SIGLEC7: variants seen among roughly 807,000 people sequenced by gnomAD.
The protein encoded by SIGLEC7 is sialic acid-binding Ig-like lectin 7.
SIGLEC7 carries 33 observed loss-of-function variants against 40.8 expected under a neutral mutation model. The observed-to-expected ratio is 0.81, with a 90% CI of 0.61 to 1.08. The LOEUF is 1.08. Among genes scored for constraint, SIGLEC7 ranks in the 50% least tolerant of loss-of-function variants. The probability of loss-of-function intolerance (pLI) is 0.00; values close to 1 mark genes in which losing one functional copy is unlikely to be tolerated. For synonymous variants in SIGLEC7, 242 were observed against 237.6 expected (o/e 1.02, Z -0.17); for missense variants, 513 against 576.1 (o/e 0.89, Z 1.12).
Position 51,144,647 on chromosome 19 carries a change from C to T in SIGLEC7, c.675C>T (p.Gly225=), listed in dbSNP as rs1005741227. The T allele has an allele frequency of 4.3e-6, 7 of 1,613,802 alleles. No individual in the cohort carries two copies. The highest frequency in any genetic ancestry group is 2.2e-5 in the South Asian group (2 of 91,076). ...LTCQVTLPGA[G]VTTNRTIQLN... ...GTCAGGTGACCTTGCCTGGGGCCGG[C>T]GTGACCACGAACAGGACCATCCAAC... is the stretch of plus-strand genomic sequence containing the variant. The change falls in exon 2 of 7, where the codon GGC becomes GGT. Residue 225 remains glycine (G), a synonymous_variant. Transcript: ENST00000317643.
At chr19:51,143,797 G>T in intron 1 of SIGLEC7, 1 of 342,970 alleles carries the variant, frequency 2.9e-6, no homozygotes, top group Non-Finnish European at 5.8e-6. Flanking sequence ...GGGACAGTCG[G>T]GGCTGGGCTG....
At position 51,142,356 on chromosome 19, in the gene SIGLEC7, C is replaced by T. The variant is rs769292041; in HGVS notation, c.-14C>T. 2 of 1,610,762 alleles carry T rather than the reference C, an allele frequency of 1.2e-6. No homozygotes were observed. The highest frequency in any genetic ancestry group is 2.2e-5 in the South Asian group (2 of 90,670). ...AGACGTTCCCTCGCGGCCCTGGCAC[C>T]TCCAACCCCAGATATGCTGCTGCTG... On this transcript the variant is annotated 5_prime_UTR_variant, in exon 1 of 7. Coordinates refer to ENST00000317643, the MANE Select transcript of SIGLEC7 (RefSeq NM_014385.4). This position sits in a 1 kb window ranked among gnomAD's most constrained non-coding sequence, Gnocchi z 5.0.
intron 4 of SIGLEC7, among the ~76,000 whole-genome samples, chr19:51,146,362 GAGACACGTGCC>G (rs913257550): frequency 3.3e-5 from 5 of 152,158 alleles, no homozygotes; most frequent in African/African-American, 1.2e-4. Flanking sequence ...TGTGTTTGGG[GAGACACGTGCC>G]TTGCTTTCCA....
chr19:51,143,477 G>A (rs2092083905), intron 1 of SIGLEC7, among the ~76,000 whole-genome samples: 1 of 152,180 alleles, frequency 6.6e-6, no homozygotes, highest in Non-Finnish European at 1.5e-5. Context: ...AGGCCCTGGT[G>A]CTCCAGGGAA....
At chr19:51,143,250 C>T (rs1014086961) in intron 1 of SIGLEC7, among the ~76,000 whole-genome samples, 5 of 152,100 alleles carry the variant, frequency 3.3e-5, no homozygotes, top group African/African-American at 1.2e-4. Context: ...TCTACACAAC[C>T]CCGTGACTCT....
At chr19:51,146,647 G>A (rs1038472726) in intron 4 of SIGLEC7, 107 bp from the exon 5 acceptor site, 21 of 898,994 alleles carry the variant, frequency 2.3e-5, no homozygotes, top group Non-Finnish European at 3.1e-5. Flanking sequence ...CTTTGTTTCT[G>A]GGAAGGGGGA....
At chr19:51,148,697 T>G (rs2092124960) in intron 6 of SIGLEC7, among the ~76,000 whole-genome samples, 1 of 152,224 alleles carries the variant, frequency 6.6e-6, no homozygotes, top group Admixed American at 6.5e-5. Context: ...ACTCTGAGTA[T>G]AAAACCAGTA....
Position 51,145,734 on chromosome 19 carries a change from C to T in SIGLEC7, c.761-121C>T. 1 of 1,140,236 alleles carries T rather than the reference C, an allele frequency of 8.8e-7. No individual in the cohort carries two copies. Among genetic ancestry groups the T allele is most frequent in the Non-Finnish European group, 1.3e-6 (1 of 794,966 alleles). The allele number at this position is 1,140,236 out of a possible 1,614,324, so 70.6% of individuals were successfully genotyped here. A position where few individuals can be genotyped will look rare whatever the true frequency, so the allele number is the denominator to read the frequency against. ...TACATTCCCAACAGTGAGCGGTGAACATAAGTATGTCCCTGCACCAGCCTA... is the reference window on the plus strand; with the variant it reads ...TACATTCCCAACAGTGAGCGGTGAATATAAGTATGTCCCTGCACCAGCCTA... On this transcript the variant is annotated intron_variant, in intron 3 of 6. Coordinates refer to ENST00000317643, the MANE Select transcript of SIGLEC7 (RefSeq NM_014385.4). The surrounding 1 kb of genome is among the most constrained non-coding windows in gnomAD (Gnocchi z 4.3).
At chr19:51,150,805 G>C (rs2092138274) in intron 6 of SIGLEC7, among the ~76,000 whole-genome samples, 1 of 152,172 alleles carries the variant, frequency 6.6e-6, no homozygotes, top group African/African-American at 2.4e-5. Context: ...GAAAGGAGAG[G>C]AGCCATGGGA....
At position 51,145,187 on chromosome 19, in the gene SIGLEC7, CAG is replaced by C. The variant is rs1463205402; in HGVS notation, c.760+229_760+230del. ...ACCCTCCTCAGCCCTGCAGCCAGGACAGGGGGAAATACATATAGCAGGAGCAG... is the reference window on the plus strand; with the variant it reads ...ACCCTCCTCAGCCCTGCAGCCAGGACGGGGAAATACATATAGCAGGAGCAG... On this transcript the variant is annotated intron_variant, in intron 3 of 6. Transcript: ENST00000317643. This position sits in a 1 kb window ranked among gnomAD's most constrained non-coding sequence, Gnocchi z 4.3. Among the ~76,000 whole-genome samples, 1 of 152,210 alleles carries C rather than the reference CAG, an allele frequency of 6.6e-6. No homozygotes were observed. The highest frequency in any genetic ancestry group is 1.5e-5 in the Non-Finnish European group (1 of 68,040).
chr19:51,142,979 G>GCC lies in SIGLEC7; in HGVS notation c.433+180_433+181dup, dbSNP rs992198493. Among the ~76,000 whole-genome samples, 1 of 152,000 alleles carries GCC rather than the reference G, an allele frequency of 6.6e-6. No homozygotes were observed. Among genetic ancestry groups the GCC allele is most frequent in the African/African-American group, 2.4e-5 (1 of 41,386 alleles). On this transcript the variant is annotated intron_variant, in intron 1 of 6. Coordinates refer to ENST00000317643, the MANE Select transcript of SIGLEC7 (RefSeq NM_014385.4). The surrounding 1 kb of genome is among the most constrained non-coding windows in gnomAD (Gnocchi z 5.0). ...TTGGATGCCCCTCCTGATCCTGCAG[G>GCC]CCCCTCCCCTCACCAGCCCTGACCC...
Position 51,143,857 on chromosome 19 carries a change from G to A in SIGLEC7, c.434-549G>A, listed in dbSNP as rs1006999695. 8 of 442,344 alleles carry A rather than the reference G, an allele frequency of 1.8e-5. No individual in the cohort carries two copies. In the East Asian group the frequency reaches 5.1e-4, roughly 28 times the overall value. 27.4% of individuals were successfully genotyped at this position (442,344 alleles called of 1,614,324 possible). Reference sequence around the variant, plus strand: ...AGGCCCCACTGTCAAGATACAGGCTGGAGGTGCTGGAGTTGGTGATGGTGC... The same window carrying A: ...AGGCCCCACTGTCAAGATACAGGCTAGAGGTGCTGGAGTTGGTGATGGTGC... On this transcript the variant is annotated intron_variant, in intron 1 of 6. Transcript: ENST00000317643.
chr19:51,148,183 T>TA lies in SIGLEC7; in HGVS notation c.1221+874dup, dbSNP rs553491672. 5.1e-3 allele frequency among the ~76,000 whole-genome samples: 776 copies of TA among 152,230 alleles called. 2 individuals carry two copies. Among genetic ancestry groups the TA allele is most frequent in the Non-Finnish European group, 8.5e-3 (581 of 68,018 alleles). The stretch of plus-strand genomic sequence containing the variant: ...AAAATCTCAGTAATTGTGATAGTTT[T>TA]AAAAAAAACTCTTATTTTAGGTTTG... On this transcript the variant is annotated intron_variant, in intron 6 of 6. Coordinates refer to ENST00000317643, the MANE Select transcript of SIGLEC7 (RefSeq NM_014385.4).
rs747449607 is a variant in SIGLEC7 at position 51,142,620 on chromosome 19, C to G, written c.251C>G (p.Ala84Gly). The change falls in exon 1 of 7, where the codon GCT (alanine) becomes GGT (glycine). Residue 84 changes from alanine to glycine, a missense_variant. Physicochemically the swap from Ala to Gly is moderately conservative, Grantham distance 60. Transcript: ENST00000317643. The surrounding 1 kb of genome is among the most constrained non-coding windows in gnomAD (Gnocchi z 5.0). ...GCTCCAGTGGCCACAAACAACCCAG[C>G]TTGGGCAGTGCAGGAGGAAACTCGG... is the stretch of plus-strand genomic sequence containing the variant. ...WKAPVATNNP[A>G]WAVQEETRDR... The G allele has an allele frequency of 1.9e-6, 3 of 1,614,164 alleles. No individual in the cohort carries two copies. The South Asian group carries it at 3.3e-5, about 18-fold the overall frequency.
chr19:51,150,375 A>G (rs1420144314), intron 6 of SIGLEC7, among the ~76,000 whole-genome samples: 1 of 152,224 alleles, frequency 6.6e-6, no homozygotes, highest in Non-Finnish European at 1.5e-5. Flanking sequence ...AATTTTATCA[A>G]AAGCCTTTTC....
intron 6 of SIGLEC7, 69 bp from the exon 7 acceptor site, chr19:51,152,994 C>A: frequency 7.5e-7 from 1 of 1,332,904 alleles, no homozygotes; most frequent in Non-Finnish European, 9.9e-7. Flanking sequence ...GATCAAACAA[C>A]TTGTGACTCT....
chr19:51,145,012 G>A lies in SIGLEC7; in HGVS notation c.760+53G>A, dbSNP rs2092098315. 2 of 1,551,510 alleles carry A rather than the reference G, an allele frequency of 1.3e-6. No individual in the cohort carries two copies. Among genetic ancestry groups the A allele is most frequent in the Non-Finnish European group, 8.9e-7 (1 of 1,123,276 alleles). ...GGGGGAGCAGGGCCTTCAGCTCAGGGCAGGGCCAGGTCCCTCCTCATCCTG... is the reference window on the plus strand; with the variant it reads ...GGGGGAGCAGGGCCTTCAGCTCAGGACAGGGCCAGGTCCCTCCTCATCCTG... On this transcript the variant is annotated intron_variant, in intron 3 of 6. Coordinates refer to ENST00000317643, the MANE Select transcript of SIGLEC7 (RefSeq NM_014385.4). The surrounding 1 kb of genome is among the most constrained non-coding windows in gnomAD (Gnocchi z 4.3).
In SIGLEC7 at chr19:51,153,299, A is replaced by G. The variant is rs1221334025; in HGVS notation, c.*54A>G. On this transcript the variant is annotated 3_prime_UTR_variant, in exon 7 of 7. Transcript: ENST00000317643. ...GGGTTCACGACCCCTCCAGCAAAGG[A>G]GTCTGAGGCTGATTCCAGTAGAATT... 2.9e-6 allele frequency: 4 copies of G among 1,360,846 alleles called. No homozygotes were observed. The African/African-American group carries it at 4.4e-5, about 15-fold the overall frequency. The allele number at this position is 1,360,846 out of a possible 1,614,324, so 84.3% of individuals were successfully genotyped here. A position where few individuals can be genotyped will look rare whatever the true frequency, so the allele number is the denominator to read the frequency against.
rs2092092697 is a variant in SIGLEC7 at position 51,144,554 on chromosome 19, C to T, written c.582C>T (p.Pro194=). The part of the protein sequence containing the change: ...WMGTSVSPLH[P]STTRSSVLTL... ...GGACCTCTGTGTCCCCCCTGCACCC[C>T]TCCACCACCCGCTCCTCAGTGCTCA... Residue 194 remains proline, a synonymous_variant, in exon 2 of 7, where the codon CCC becomes CCT. Coordinates refer to ENST00000317643, the MANE Select transcript of SIGLEC7 (RefSeq NM_014385.4). The T allele has an allele frequency of 1.9e-6, 3 of 1,613,886 alleles. No individual in the cohort carries two copies. The highest frequency in any genetic ancestry group is 2.5e-6 in the Non-Finnish European group (3 of 1,179,986).
Sources: gnomAD v4.1 joint callset for allele counts (sites outside exome capture counted in the v4.1 genomes callset) on GRCh38, gnomAD v4.1.1 for gene constraint, Gnocchi (gnomAD v3.1) non-coding constraint, MANE v1.5 for transcripts, NCBI Gene and HGNC (gene_info 2026-07-23, HGNC 2026-07-21) for gene names.